The following DNAAF5 variants were observed in gnomAD, a reference collection of about 807,000 sequenced individuals.
DNAAF5 encodes the protein dynein axonemal assembly factor 5, also known as HEAT repeat containing 2.
In DNAAF5, 64 loss-of-function variants were observed where a neutral mutation model predicts 75.8. The ratio of observed to expected loss-of-function variants is 0.84; its 90% CI spans 0.69 to 1.04. The LOEUF is 1.04. Among genes scored for constraint, DNAAF5 ranks in the 50% least tolerant of loss-of-function variants. DNAAF5 has a pLI of 0.00. For missense variants in DNAAF5, 1,269 were observed against 1,178.5 expected (o/e 1.08, Z -1.12); for synonymous variants, 657 against 557.2 (o/e 1.18, Z -2.52).
At chr7:750,524 A>G (rs142744825) in intron 4 of DNAAF5, among the ~76,000 whole-genome samples, 72 of 152,228 alleles carry the variant, frequency 4.7e-4, no homozygotes, top group African/African-American at 1.6e-3. Flanking sequence ...GAGGCATTCA[A>G]TTCTCATAAG....
At chr7:737,087 T>C (rs1273603063) in intron 2 of DNAAF5, among the ~76,000 whole-genome samples, 3 of 151,960 alleles carry the variant, frequency 2.0e-5, no homozygotes, top group East Asian at 3.8e-4. Context: ...TTTTTATTTA[T>C]TTATTTATTT....
At chr7:732,727 G>C in intron 2 of DNAAF5, 2 of 432,572 alleles carry the variant, frequency 4.6e-6, no homozygotes, top group Non-Finnish European at 9.3e-6. Context: ...TATGGATTCT[G>C]GTTGTCAGTC....
At chr7:770,229 G>C (rs932108533) in intron 8 of DNAAF5, among the ~76,000 whole-genome samples, 6 of 152,228 alleles carry the variant, frequency 3.9e-5, no homozygotes, top group Non-Finnish European at 5.9e-5. Flanking sequence ...TGGGATTATA[G>C]GCATGAGCCA....
chr7:761,658 C>G (rs946995628), intron 6 of DNAAF5, 95 bp from the exon 7 acceptor site: 5 of 1,320,196 alleles, frequency 3.8e-6, no homozygotes, highest in African/African-American at 1.5e-5. Flanking sequence ...TCCCAGGATA[C>G]GTGGGGATTA....
intron 9 of DNAAF5, among the ~76,000 whole-genome samples, chr7:773,426 T>G (rs1455806239): frequency 6.6e-6 from 1 of 152,042 alleles, no homozygotes; most frequent in Non-Finnish European, 1.5e-5. Flanking sequence ...GAGTGTGTCA[T>G]TTTGCTTTGA....
In DNAAF5 at chr7:726,725, C is replaced by T; in HGVS notation, c.5C>T (p.Ala2Val). The T allele has an allele frequency of 8.1e-7, 1 of 1,239,468 alleles. No individual in the cohort carries two copies. The highest frequency in any genetic ancestry group is 1.0e-6 in the Non-Finnish European group (1 of 992,620). 76.8% of individuals were successfully genotyped at this position (1,239,468 alleles called of 1,614,324 possible). Residue 2 changes from alanine to valine, a missense_variant, in exon 1 of 13, where the codon GCG (alanine) becomes GTG (valine). Ala to Val is a moderately conservative substitution (Grantham distance 64, BLOSUM62 0). Transcript: ENST00000297440. ...GTGACCGGCGACGCGGGCAAGATGG[C>T]GGCGCTGGGGGTGGCGGAGGCCGTG... M[A>V]ALGVAEAVAA...
intron 4 of DNAAF5, among the ~76,000 whole-genome samples, chr7:753,319 C>A (rs964665964): frequency 6.6e-6 from 1 of 152,130 alleles, no homozygotes; most frequent in Non-Finnish European, 1.5e-5. Flanking sequence ...CGGGCACAGG[C>A]GGGCCTCAGA....
At chr7:762,040 C>T (rs531154045) in intron 7 of DNAAF5, 144 bp downstream of exon 7, 1 of 361,492 alleles carries the variant, frequency 2.8e-6, no homozygotes, top group East Asian at 5.0e-5. Context: ...CGGGTGAGTC[C>T]CCGGGCAACG....
At chr7:782,795 G>A (rs945722647) in intron 12 of DNAAF5, among the ~76,000 whole-genome samples, 8 of 149,122 alleles carry the variant, frequency 5.4e-5, no homozygotes, top group Non-Finnish European at 1.0e-4. Context: ...GTCACGCAGC[G>A]TCAGAAACTC....
chr7:755,958 T>C (rs1583497346), intron 5 of DNAAF5, among the ~76,000 whole-genome samples: 1 of 150,346 alleles, frequency 6.7e-6, no homozygotes, highest in Non-Finnish European at 1.5e-5. Flanking sequence ...GAGGGGCTGG[T>C]GTGTGTGTGA....
chr7:760,850 A>G (rs1782622490), intron 6 of DNAAF5, among the ~76,000 whole-genome samples: 1 of 152,226 alleles, frequency 6.6e-6, no homozygotes, highest in Non-Finnish European at 1.5e-5. Context: ...CCCGTCAATC[A>G]GTAAACATGT....
chr7:736,485 C>T (rs996707627), intron 2 of DNAAF5, among the ~76,000 whole-genome samples: 3 of 152,160 alleles, frequency 2.0e-5, no homozygotes, highest in East Asian at 1.9e-4. Context: ...GTATAGTTTT[C>T]GTCTTGAAAT....
At chr7:740,121 T>C (rs942673668) in intron 2 of DNAAF5, among the ~76,000 whole-genome samples, 15 of 152,140 alleles carry the variant, frequency 9.9e-5, no homozygotes, top group African/African-American at 3.6e-4. Context: ...GCCCCACCGC[T>C]TCCTCACCTG....
rs1357751085 is a variant in DNAAF5, at chr7:761,768, C to T, written c.1486C>T (p.Arg496Cys). ...TCTCTTCCAGGACCTCTACCTGGAG[C>T]GCCTGCTGCTGTGTGTGCAGGCTCT... ...QASENDLYLE[R>C]LLLCVQALVS... is the part of the protein sequence containing the mutation. Residue 496 changes from arginine to cysteine, a missense_variant, in exon 7 of 13, where the codon CGC (arginine) becomes TGC (cysteine). Transcript: ENST00000297440. 1.5e-5 allele frequency: 24 copies of T among 1,605,684 alleles called. No individual in the cohort carries two copies. Among genetic ancestry groups the T allele is most frequent in the African/African-American group, 8.0e-5 (6 of 74,678 alleles).
At chr7:732,034 A>T (rs1781602270) in intron 2 of DNAAF5, among the ~76,000 whole-genome samples, 1 of 152,194 alleles carries the variant, frequency 6.6e-6, no homozygotes, top group Non-Finnish European at 1.5e-5. Flanking sequence ...ACTCGGCTTA[A>T]ATCACTGAAC....
rs746205271 is a variant in DNAAF5, at chr7:775,104, G to A, written c.2181G>A (p.Thr727=). ...TGATCTCATGCCGTATTATCAACAC[G>A]TTCTTAAAAACCTCGGGCGGCATGA... ...TRLISCRIIN[T]FLKTSGGMTD... The change falls in exon 11 of 13, where the codon ACG becomes ACA. Residue 727 remains threonine (T), a synonymous_variant. Transcript: ENST00000297440. The A allele has an allele frequency of 1.2e-6, 2 of 1,614,074 alleles. No homozygotes were observed. The highest frequency in any genetic ancestry group is 2.2e-5 in the East Asian group (1 of 44,876).
At chr7:745,935 C>T (rs1352888874) in intron 4 of DNAAF5, among the ~76,000 whole-genome samples, 4 of 152,138 alleles carry the variant, frequency 2.6e-5, no homozygotes, top group East Asian at 1.9e-4. Flanking sequence ...CGTGCCGAGG[C>T]GTAGAGAGTG....
chr7:757,078 G>A (rs1227709562), intron 6 of DNAAF5, 84 bp downstream of exon 6: 1 of 1,346,868 alleles, frequency 7.4e-7, no homozygotes, highest in African/African-American at 1.5e-5. Flanking sequence ...ATGTCTGTGG[G>A]TTGCCCTGTG....
chr7:739,002 C>T (rs1019056433), intron 2 of DNAAF5, among the ~76,000 whole-genome samples: 1 of 152,226 alleles, frequency 6.6e-6, no homozygotes, highest in Non-Finnish European at 1.5e-5. Flanking sequence ...GGCCTTGTGG[C>T]CCTGGACGCC....
Sources: gnomAD v4.1 joint callset for allele counts (sites outside exome capture counted in the v4.1 genomes callset) on GRCh38, gnomAD v4.1.1 for gene constraint, MANE v1.5 for transcripts, NCBI Gene and HGNC (gene_info 2026-07-23, HGNC 2026-07-21) for gene names.